Variants in METTL15 observed in about 807,000 individuals in gnomAD.
The protein encoded by METTL15 is methyltransferase 15, mitochondrial 12S rRNA N4-cytidine.
Under a neutral mutation model 38.3 loss-of-function variants are expected in METTL15, and 34 were observed. The observed-to-expected ratio is 0.89, with a 90% CI of 0.68 to 1.18. METTL15 has a LOEUF of 1.18. Among genes scored for constraint, METTL15 ranks in the 50% most tolerant of loss-of-function variants. The probability of loss-of-function intolerance (pLI) is 0.00; values close to 1 mark genes in which losing one functional copy is unlikely to be tolerated. For missense variants in METTL15, 438 were observed against 498.4 expected (o/e 0.88, Z 1.15); for synonymous variants, 162 against 170.9 (o/e 0.95, Z 0.41).
intron 3 of METTL15, chr11:28,122,125 A>G: frequency 8.2e-7 from 1 of 1,217,638 alleles, no homozygotes; most frequent in Non-Finnish European, 1.1e-6. Context: ...TATCAAGTTT[A>G]GAAATTCCTC....
At chr11:28,433,603 G>A (rs1246824190) in intron 6 of METTL15, among the ~76,000 whole-genome samples, 4 of 152,148 alleles carry the variant, frequency 2.6e-5, no homozygotes, top group East Asian at 3.9e-4. Flanking sequence ...AAGAATATAC[G>A]GTCAATGAGT....
intron 6 of METTL15, among the ~76,000 whole-genome samples, chr11:28,433,345 AAG>A (rs749178271): frequency 1.3e-5 from 2 of 152,174 alleles, no homozygotes; most frequent in Non-Finnish European, 2.9e-5. Flanking sequence ...GTATCCCAAT[AAG>A]AGAGGAAGAA....
chr11:28,232,897 C>G (rs1189934903), intron 4 of METTL15, among the ~76,000 whole-genome samples: 1 of 152,024 alleles, frequency 6.6e-6, no homozygotes, highest in Non-Finnish European at 1.5e-5. Flanking sequence ...GAATATCTAA[C>G]AGGGCTTGAC....
intron 6 of METTL15, among the ~76,000 whole-genome samples, chr11:28,449,194 C>G (rs1851098858): frequency 6.6e-6 from 1 of 152,178 alleles, no homozygotes; most frequent in Non-Finnish European, 1.5e-5. Flanking sequence ...TAAAGTTTTG[C>G]ATGCCCAGGA....
At position 28,362,514 on chromosome 11, in the gene METTL15, T is replaced by G. The variant is rs550816074; in HGVS notation, c.*358+478T>G. On this transcript the variant is annotated intron_variant and NMD_transcript_variant, in intron 5 of 7. Coordinates refer to the METTL15 transcript ENST00000532947. ...TTCTCCCCAATCTAGTGGACCCCAG[T>G]GTCTATTGTTCCCATCTTTATCATC... Among the ~76,000 whole-genome samples, 5 of 152,260 alleles carry G rather than the reference T, an allele frequency of 3.3e-5. No individual in the cohort carries two copies. In the South Asian group the frequency reaches 1.0e-3, roughly 32 times the overall value.
intron 4 of METTL15, among the ~76,000 whole-genome samples, chr11:28,232,583 AC>A: frequency 6.6e-6 from 1 of 151,954 alleles, no homozygotes; most frequent in South Asian, 2.1e-4. Flanking sequence ...TTTTATATGA[AC>A]ACGTTTATTT....
At chr11:28,272,999 A>G (rs1295170300) in intron 4 of METTL15, among the ~76,000 whole-genome samples, 3 of 152,178 alleles carry the variant, frequency 2.0e-5, no homozygotes, top group Non-Finnish European at 4.4e-5. Context: ...CTCTAAGCCA[A>G]CGTTTCTATA....
At chr11:28,176,820 A>G (rs1193952355) in intron 3 of METTL15, among the ~76,000 whole-genome samples, 1 of 152,126 alleles carries the variant, frequency 6.6e-6, no homozygotes, top group East Asian at 1.9e-4. Context: ...TTTTTGTAAA[A>G]AAGGAAACAT....
chr11:28,204,904 T>C (rs1179362849), intron 3 of METTL15, among the ~76,000 whole-genome samples: 1 of 151,804 alleles, frequency 6.6e-6, no homozygotes, highest in African/African-American at 2.4e-5. Flanking sequence ...AAAATGTGAG[T>C]TTTGTTTATA....
At chr11:28,400,977 G>A (rs758791359) in intron 5 of METTL15, among the ~76,000 whole-genome samples, 4 of 151,852 alleles carry the variant, frequency 2.6e-5, no homozygotes, top group Non-Finnish European at 4.4e-5. Context: ...ACAAAAATTC[G>A]TGCGTGTGAA....
At chr11:28,173,780 G>T (rs1850946080) in intron 3 of METTL15, among the ~76,000 whole-genome samples, 2 of 152,108 alleles carry the variant, frequency 1.3e-5, no homozygotes, top group South Asian at 4.1e-4. Context: ...CAGTTTCTCA[G>T]ACTTTGTTTT....
chr11:28,165,324 C>T (rs1850619239), intron 3 of METTL15, among the ~76,000 whole-genome samples: 1 of 151,920 alleles, frequency 6.6e-6, no homozygotes, highest in African/African-American at 2.4e-5. Context: ...TTATTATTTC[C>T]ACATCCTCGA....
intron 4 of METTL15, among the ~76,000 whole-genome samples, chr11:28,233,463 A>T (rs1183783727): frequency 6.7e-6 from 1 of 149,578 alleles, no homozygotes; most frequent in Non-Finnish European, 1.5e-5. Context: ...ACTGTGGCTA[A>T]TTTTTTTTTT....
intron 3 of METTL15, among the ~76,000 whole-genome samples, chr11:28,133,560 A>G (rs1394349599): frequency 6.6e-6 from 1 of 152,212 alleles, no homozygotes; most frequent in Non-Finnish European, 1.5e-5. Flanking sequence ...TGCAAAAATG[A>G]TAGTGTGCAA....
intron 3 of METTL15, among the ~76,000 whole-genome samples, chr11:28,183,916 T>G (rs1851393463): frequency 6.6e-6 from 1 of 152,116 alleles, no homozygotes; most frequent in African/African-American, 2.4e-5. Context: ...AGGCTGTTAA[T>G]TACTGCCTCA....
At chr11:28,163,440 A>G (rs1337688332) in intron 3 of METTL15, 1 of 397,890 alleles carries the variant, frequency 2.5e-6, no homozygotes, top group East Asian at 3.6e-5. Flanking sequence ...ATCGGTTCCA[A>G]ATTTTTCCTC....
intron 4 of METTL15, among the ~76,000 whole-genome samples, chr11:28,213,467 T>C (rs999408585): frequency 1.3e-5 from 2 of 151,928 alleles, no homozygotes; most frequent in Non-Finnish European, 2.9e-5. Flanking sequence ...CTCTGGTAAC[T>C]TGCAAAACCT....
chr11:28,353,781 C>T (rs562413671), intron 4 of METTL15, among the ~76,000 whole-genome samples: 4 of 151,316 alleles, frequency 2.6e-5, no homozygotes, highest in South Asian at 2.1e-4. Flanking sequence ...AAAAATTAGC[C>T]GGGCGCGGTG....
At chr11:28,337,756 C>T (rs1565265510), downstream of METTL15, among the ~76,000 whole-genome samples, 1 of 152,018 alleles carries the variant, frequency 6.6e-6, no homozygotes, top group Non-Finnish European at 1.5e-5. Flanking sequence ...ATTACAATTG[C>T]CTACATTATC....
Sources: allele counts gnomAD v4.1 joint callset (sites outside exome capture counted in the v4.1 genomes callset), GRCh38; gene constraint gnomAD v4.1.1; transcripts MANE v1.5; gene names NCBI Gene and HGNC (gene_info 2026-07-23, HGNC 2026-07-21).